LRRC49: variants seen among roughly 807,000 people sequenced by gnomAD.
LRRC49 encodes the protein leucine rich repeat containing 49, also known as leucine-rich repeat-containing protein 49.
A neutral mutation model predicts 83.3 loss-of-function variants in LRRC49; 50 were observed. That is an observed-to-expected ratio of 0.60 (90% CI 0.48 to 0.76). LRRC49 has a LOEUF of 0.76. Among genes scored for constraint, LRRC49 ranks in the 30% least tolerant of loss-of-function variants. LRRC49 has a pLI of 0.00. For missense variants in LRRC49, 704 were observed against 809.1 expected (o/e 0.87, Z 1.58); for synonymous variants, 286 against 283.3 (o/e 1.01, Z -0.10).
At chr15:70,891,567 CTGTG>C (rs3220843), upstream of LRRC49, among the ~76,000 whole-genome samples, 6,338 of 136,852 alleles carry the variant, frequency 0.046, 147 homozygotes, top group Middle Eastern at 0.066. Context: ...GGACAAGACT[CTGTG>C]TGTGTGTGTG....
intron 5 of LRRC49, among the ~76,000 whole-genome samples, chr15:70,908,383 G>A (rs2034406129): frequency 6.6e-6 from 1 of 152,138 alleles, no homozygotes; most frequent in African/African-American, 2.4e-5. Context: ...GATTGTCAAG[G>A]GTTGTTTGGC....
chr15:70,937,594 A>G (rs557847200), intron 8 of LRRC49, among the ~76,000 whole-genome samples: 1 of 152,276 alleles, frequency 6.6e-6, no homozygotes, highest in South Asian at 2.1e-4. Context: ...GATTTAGAGC[A>G]TATCTTTTTC....
intron 6 of LRRC49, among the ~76,000 whole-genome samples, chr15:70,915,574 G>GT (rs2034737668): frequency 6.6e-6 from 1 of 152,110 alleles, no homozygotes; most frequent in African/African-American, 2.4e-5. Context: ...CTTCCTCTCT[G>GT]TTTTTCCTTA....
intron 15 of LRRC49, among the ~76,000 whole-genome samples, chr15:71,041,100 A>G (rs2039688509): frequency 1.3e-5 from 2 of 152,156 alleles, no homozygotes; most frequent in South Asian, 4.1e-4. Flanking sequence ...TTTCAGCTTT[A>G]TGAAGTCCTG....
chr15:70,906,288 G>A (rs944178391), intron 5 of LRRC49, among the ~76,000 whole-genome samples: 2 of 151,642 alleles, frequency 1.3e-5, no homozygotes, highest in Non-Finnish European at 1.5e-5. Flanking sequence ...GTAGAGATGG[G>A]GTTTCACCAT....
intron 9 of LRRC49, among the ~76,000 whole-genome samples, chr15:70,977,554 A>C (rs2037249863): frequency 6.6e-6 from 1 of 152,186 alleles, no homozygotes. Context: ...CTAAGACATG[A>C]GAATTGCTTG....
chr15:70,912,202 T>C (rs1567048360), intron 6 of LRRC49, among the ~76,000 whole-genome samples: 2 of 152,172 alleles, frequency 1.3e-5, no homozygotes. Flanking sequence ...ACAAAAACTT[T>C]TTGCTCCAGT....
intron 14 of LRRC49, among the ~76,000 whole-genome samples, chr15:71,014,372 T>C (rs1053931619): frequency 2.6e-5 from 4 of 152,106 alleles, no homozygotes; most frequent in African/African-American, 9.7e-5. Context: ...TTGTGTGTAT[T>C]AAAATATTAA....
intron 11 of LRRC49, among the ~76,000 whole-genome samples, chr15:70,993,176 C>T (rs1179760462): frequency 1.3e-5 from 2 of 152,196 alleles, no homozygotes; most frequent in Non-Finnish European, 2.9e-5. Flanking sequence ...AGGAACCCTC[C>T]TAGCCATGTG....
At chr15:70,983,353 A>C (rs1445879287) in intron 10 of LRRC49, among the ~76,000 whole-genome samples, 1 of 152,146 alleles carries the variant, frequency 6.6e-6, no homozygotes, top group East Asian at 1.9e-4. Flanking sequence ...AATACTTAGG[A>C]GAATTCAAAT....
intron 1 of LRRC49, among the ~76,000 whole-genome samples, chr15:70,865,961 C>G (rs1186444200): frequency 6.6e-6 from 1 of 152,084 alleles, no homozygotes; most frequent in Non-Finnish European, 1.5e-5. Context: ...TCATAGCATC[C>G]TGTGTTTATA....
intron 7 of LRRC49, chr15:70,936,430 T>A (rs1434691590): frequency 1.4e-5 from 3 of 220,250 alleles, no homozygotes; most frequent in Non-Finnish European, 2.6e-5. Context: ...AAATGTTTGA[T>A]CATACTGTAT....
chr15:70,889,866 A>C (rs2033507894), upstream of LRRC49, among the ~76,000 whole-genome samples: 1 of 152,172 alleles, frequency 6.6e-6, no homozygotes, highest in Non-Finnish European at 1.5e-5. Flanking sequence ...TAGACAAGCC[A>C]ATTTTTTAGC....
intron 11 of LRRC49, among the ~76,000 whole-genome samples, chr15:70,987,927 T>C (rs2037694426): frequency 1.3e-5 from 2 of 152,200 alleles, no homozygotes; most frequent in Non-Finnish European, 2.9e-5. Flanking sequence ...TTGTTCAGTT[T>C]CCATGTAGTT....
At chr15:70,872,188 G>A in intron 1 of LRRC49, among the ~76,000 whole-genome samples, 1 of 152,256 alleles carries the variant, frequency 6.6e-6, no homozygotes, top group East Asian at 1.9e-4. Flanking sequence ...ACGGTCAGGA[G>A]CTGGAGACCA....
chr15:70,879,337 G>C (rs1006800366), intron 2 of LRRC49, among the ~76,000 whole-genome samples: 13 of 151,994 alleles, frequency 8.6e-5, no homozygotes, highest in African/African-American at 3.1e-4. Flanking sequence ...GGTCATCTTG[G>C]GGTTGGTTTC....
At chr15:70,855,938 T>G (rs568208466) in intron 1 of LRRC49, among the ~76,000 whole-genome samples, 2 of 152,296 alleles carry the variant, frequency 1.3e-5, no homozygotes. Flanking sequence ...GCAGCCACCA[T>G]GCCTTCCAGT....
intron 2 of LRRC49, chr15:70,895,395 T>G (rs2033788650): frequency 6.6e-6 from 1 of 152,252 alleles, no homozygotes; most frequent in Non-Finnish European, 1.5e-5. Flanking sequence ...TATTGTGTGT[T>G]TTTTTTTGAA....
At chr15:71,001,362 A>G (rs998240667) in intron 11 of LRRC49, among the ~76,000 whole-genome samples, 2 of 152,144 alleles carry the variant, frequency 1.3e-5, no homozygotes, top group African/African-American at 2.4e-5. Context: ...CAGATCTTCA[A>G]TTAATGCCCC....
Sources: gnomAD v4.1 joint callset for allele counts (sites outside exome capture counted in the v4.1 genomes callset) on GRCh38, gnomAD v4.1.1 for gene constraint, MANE v1.5 for transcripts, NCBI Gene and HGNC (gene_info 2026-07-23, HGNC 2026-07-21) for gene names.